Variants in MRPS16 observed in about 807,000 individuals in gnomAD.
MRPS16 encodes the protein small ribosomal subunit protein bS16m.
A neutral mutation model predicts 11.0 loss-of-function variants in MRPS16; 5 were observed. The ratio of observed to expected loss-of-function variants is 0.46; its 90% CI spans 0.24 to 0.96. The LOEUF (loss-of-function observed/expected upper bound fraction) is 0.96, where lower values mean the gene tolerates loss of function less well. Ranked by LOEUF, MRPS16 falls within the 40% of genes least tolerant of loss-of-function variation. MRPS16 has a pLI of 0.20. For missense variants in MRPS16, 179 were observed against 174.4 expected, an observed-to-expected ratio of 1.03 and a Z score of -0.15; for synonymous variants, 76 against 65.0, an observed-to-expected ratio of 1.17 and a Z score of -0.81.
chr10:73,251,625 C>T (rs897872191), intron 2 of MRPS16, 138 bp downstream of exon 2: 1 of 1,232,546 alleles, frequency 8.1e-7, no homozygotes. Context: ...AGGTGATCCG[C>T]CCGCCTCGGC....
rs367600544 is a variant in MRPS16 at position 73,252,551 on chromosome 10, G to C, written c.-69C>G. The C allele has an allele frequency of 7.0e-5, 111 of 1,589,760 alleles. 1 individual carries two copies. The East Asian group carries it at 2.1e-3, about 30-fold the overall frequency. On this transcript the variant is annotated 5_prime_UTR_variant, in exon 1 of 3. Coordinates refer to ENST00000372945, the MANE Select transcript of MRPS16 (RefSeq NM_016065.4). Reference sequence around the variant, plus strand: ...ACGCACCAGCTCTACGGCCTTGGCAGGGCAGAGAACAAACACAGAAAGAAC... The same window carrying C: ...ACGCACCAGCTCTACGGCCTTGGCACGGCAGAGAACAAACACAGAAAGAAC...
In MRPS16 at chr10:73,251,911, G is replaced by C; in HGVS notation, c.126C>G (p.Pro42=). Residue 42 remains proline (P), a synonymous_variant, in exon 2 of 3, where the codon CCC becomes CCG. Transcript: ENST00000372945. ...GCTGCTCTACGAAACGGCCATCCCT[G>C]GGACACTTGTTGTGAGCAGCCACAA... ...YRIVAAHNKC[P]RDGRFVEQLG... 1 of 1,614,164 alleles carries C rather than the reference G, an allele frequency of 6.2e-7. No individual in the cohort carries two copies. Among genetic ancestry groups the C allele is most frequent in the Non-Finnish European group, 8.5e-7 (1 of 1,180,028 alleles).
At chr10:73,252,213 C>G in intron 1 of MRPS16, 190 bp from the exon 2 acceptor site, 1 of 1,038,468 alleles carries the variant, frequency 9.6e-7, no homozygotes, top group Admixed American at 2.1e-5. Flanking sequence ...CCTCCTCATA[C>G]CCAAACCCAC....
At position 73,252,016 on chromosome 10, in the gene MRPS16, G is replaced by T; in HGVS notation, c.21C>A (p.Leu7=). 1 of 1,613,540 alleles carries T rather than the reference G, an allele frequency of 6.2e-7. No homozygotes were observed. Among genetic ancestry groups the T allele is most frequent in the Non-Finnish European group, 8.5e-7 (1 of 1,179,710 alleles). ...GGCCCCCACGGTAGGCCTTGCAGAG[G>T]AGAGTAGCTGTAGAAAAGCAGCTGG... MVHLTT[L]LCKAYRGGHL... Residue 7 remains leucine (L), a synonymous_variant, in exon 2 of 3, where the codon CTC becomes CTA. Transcript: ENST00000372945.
chr10:73,249,405 T>TA lies in MRPS16; in HGVS notation c.*1446dup. The TA allele has an allele frequency of 9.9e-6, 13 of 1,314,152 alleles. No homozygotes were observed. Among genetic ancestry groups the TA allele is most frequent in the Non-Finnish European group, 1.4e-5 (13 of 947,638 alleles). 81.4% of individuals were successfully genotyped at this position (1,314,152 alleles called of 1,614,324 possible). A position where few individuals can be genotyped will look rare whatever the true frequency, so the allele number is the denominator to read the frequency against. ...ACATTCAAACTATAAAGATCCCTTA[T>TA]AGATTACTGGCATCAAGGTAGGAAG... On this transcript the variant is annotated 3_prime_UTR_variant, in exon 3 of 3. Transcript: ENST00000372945.
chr10:73,252,050 C>T, intron 1 of MRPS16, 27 bp from the exon 2 acceptor site: 3 of 1,605,342 alleles, frequency 1.9e-6, no homozygotes, highest in South Asian at 1.1e-5. Flanking sequence ...GGTTAGGACA[C>T]AAAAAACAGC....
chr10:73,251,376 T>TC (rs998183275), intron 2 of MRPS16, among the ~76,000 whole-genome samples: 4 of 149,572 alleles, frequency 2.7e-5, no homozygotes, highest in African/African-American at 1.0e-4. Context: ...ATGAAATAAC[T>TC]CTTTTTTTTT....
intron 1 of MRPS16, chr10:73,252,232 G>C: frequency 9.9e-7 from 1 of 1,008,098 alleles, no homozygotes; most frequent in African/African-American, 1.6e-5. Flanking sequence ...ACCCCGCATG[G>C]GCTTGCCATT....
chr10:73,250,790 TGCAGTGTTTCAAAAGGAC>T lies in MRPS16; in HGVS notation c.*44_*61del, dbSNP rs2044079179. The T allele has an allele frequency of 6.3e-7, 1 of 1,594,600 alleles. No homozygotes were observed. Among genetic ancestry groups the T allele is most frequent in the Non-Finnish European group, 8.6e-7 (1 of 1,167,944 alleles). On this transcript the variant is annotated 3_prime_UTR_variant, in exon 3 of 3. Transcript: ENST00000372945. ...CCAAATCTAACAAAATTAAGATCGC[TGCAGTGTTTCAAAAGGAC>T]CTTGACCTTGTTCCCACTGCTATGC...
chr10:73,251,648 T>G, intron 2 of MRPS16, 115 bp downstream of exon 2: 4 of 1,469,024 alleles, frequency 2.7e-6, no homozygotes, highest in Non-Finnish European at 3.8e-6. Flanking sequence ...CCCAAAGCGC[T>G]GAGATTACAG....
chr10:73,252,561 CAAACACAG>C lies in MRPS16; in HGVS notation c.-87_-80del. ...TCTACGGCCTTGGCAGGGCAGAGAACAAACACAGAAAGAACCTGCAAGCCGACACCAGG... is the reference window on the plus strand; with the variant it reads ...TCTACGGCCTTGGCAGGGCAGAGAACAAAGAACCTGCAAGCCGACACCAGG... On this transcript the variant is annotated 5_prime_UTR_variant, in exon 1 of 3. Coordinates refer to ENST00000372945, the MANE Select transcript of MRPS16 (RefSeq NM_016065.4). The C allele has an allele frequency of 6.3e-7, 1 of 1,576,946 alleles. No individual in the cohort carries two copies. Among genetic ancestry groups the C allele is most frequent in the South Asian group, 1.1e-5 (1 of 88,636 alleles).
chr10:73,249,085 AT>A lies in MRPS16; in HGVS notation c.*1766del. On this transcript the variant is annotated 3_prime_UTR_variant, in exon 3 of 3. Coordinates refer to ENST00000372945, the MANE Select transcript of MRPS16 (RefSeq NM_016065.4). ...GGGTGAGCAACACCACAGCCAGCTA[AT>A]TTTTTAAGTTTTTGTAGAGACGGGG... 1 of 604,496 alleles carries A rather than the reference AT, an allele frequency of 1.7e-6. No homozygotes were observed. The highest frequency in any genetic ancestry group is 3.0e-6 in the Non-Finnish European group (1 of 330,592). 37.4% of individuals were successfully genotyped at this position (604,496 alleles called of 1,614,324 possible).
rs1564726373 is a variant in MRPS16 at position 73,250,935 on chromosome 10, GC to G, written c.330del (p.Arg111GlufsTer10). The G allele has an allele frequency of 6.2e-7, 1 of 1,614,084 alleles. No individual in the cohort carries two copies. The highest frequency in any genetic ancestry group is 8.5e-7 in the Non-Finnish European group (1 of 1,180,004). ...AGGACTTCACGTGCCCGTTTCCTTC[GC>G]AGTCTCTCAGCATTTGTGATCATCA... is the stretch of plus-strand genomic sequence containing the variant. ...HPMMITNAER[L>X]RRKRAREVLL... On this transcript the variant is annotated frameshift_variant, in exon 3 of 3. Coordinates refer to ENST00000372945, the MANE Select transcript of MRPS16 (RefSeq NM_016065.4). LOFTEE classifies it high-confidence loss of function.
chr10:73,252,138 A>G (rs898122647), intron 1 of MRPS16, 115 bp from the exon 2 acceptor site: 1 of 1,447,454 alleles, frequency 6.9e-7, no homozygotes, highest in African/African-American at 1.4e-5. Flanking sequence ...CATTCCTGTC[A>G]ATCCAGTTTA....
rs2044057914 is a variant in MRPS16 at position 73,249,618 on chromosome 10, A to C, written c.*1234T>G. On this transcript the variant is annotated 3_prime_UTR_variant, in exon 3 of 3. Transcript: ENST00000372945. ...CCTAATTCCCTATTCCAGTATTCTCAGAAGGATCCCATCTATGATATATGC... is the reference window on the plus strand; with the variant it reads ...CCTAATTCCCTATTCCAGTATTCTCCGAAGGATCCCATCTATGATATATGC... 2.7e-6 allele frequency: 1 copy of C among 365,024 alleles called. No homozygotes were observed. The highest frequency in any genetic ancestry group is 8.4e-4 in the Middle Eastern group (1 of 1,184). The allele number at this position is 365,024 out of a possible 1,614,324, so 22.6% of individuals were successfully genotyped here.
At position 73,250,877 on chromosome 10, in the gene MRPS16, G is replaced by C. The variant is rs117510230; in HGVS notation, c.389C>G (p.Thr130Arg). ...TTATGTTTCTGTAGCCTCTGTATCT[G>C]TAGCTTCTGCATCTGTTTTCTGAGA... ...LASQKTDAEA[T>R]DTEATET Residue 130 changes from threonine (T) to arginine (R), a missense_variant, in exon 3 of 3, where the codon ACA (threonine) becomes AGA (arginine). By Grantham distance (71) the Thr-to-Arg change is moderately conservative. Transcript: ENST00000372945. 6,799 of 1,614,068 alleles carry C rather than the reference G, an allele frequency of 4.2e-3. 22 individuals are homozygous for C. Among genetic ancestry groups the C allele is most frequent in the Non-Finnish European group, 5.1e-3 (6,065 of 1,180,014 alleles).
intron 1 of MRPS16, 162 bp downstream of exon 1, chr10:73,252,305 GTGA>G: frequency 8.4e-7 from 1 of 1,191,576 alleles, no homozygotes; most frequent in Non-Finnish European, 1.2e-6. Flanking sequence ...TTTTTCAGCG[GTGA>G]TTAAGTGGGG....
Position 73,250,981 on chromosome 10 carries a change from G to C in MRPS16, c.285C>G (p.Gly95=), listed in dbSNP as rs1564726397. 3.1e-6 allele frequency: 5 copies of C among 1,614,150 alleles called. No homozygotes were observed. The highest frequency in any genetic ancestry group is 4.2e-6 in the Non-Finnish European group (5 of 1,180,018). Residue 95 remains glycine, a synonymous_variant, in exon 3 of 3, where the codon GGC becomes GGG. Coordinates refer to ENST00000372945, the MANE Select transcript of MRPS16 (RefSeq NM_016065.4). The part of the protein sequence containing the change: ...KPMEKLLGLA[G]FFPLHPMMIT... Reference sequence around the variant, plus strand: ...TCATCATAGGATGCAGAGGGAAAAAGCCAGCAAGACCTAAAAGTAACAGAT... The same window carrying C: ...TCATCATAGGATGCAGAGGGAAAAACCCAGCAAGACCTAAAAGTAACAGAT...
chr10:73,249,395 A>G lies in MRPS16; in HGVS notation c.*1457T>C. 7 of 1,382,796 alleles carry G rather than the reference A, an allele frequency of 5.1e-6. No individual in the cohort carries two copies. Among genetic ancestry groups the G allele is most frequent in the Non-Finnish European group, 5.0e-6 (5 of 1,002,696 alleles). The allele number at this position is 1,382,796 out of a possible 1,614,324, so 85.7% of individuals were successfully genotyped here. On this transcript the variant is annotated 3_prime_UTR_variant, in exon 3 of 3. Coordinates refer to ENST00000372945, the MANE Select transcript of MRPS16 (RefSeq NM_016065.4). ...TTATTCAAATACATTCAAACTATAA[A>G]GATCCCTTATAGATTACTGGCATCA...
Sources: allele counts gnomAD v4.1 joint callset (sites outside exome capture counted in the v4.1 genomes callset), GRCh38; gene constraint gnomAD v4.1.1; transcripts MANE v1.5; gene names NCBI Gene and HGNC (gene_info 2026-07-23, HGNC 2026-07-21).